SERPINF2: variants seen among roughly 807,000 people sequenced by gnomAD.
SERPINF2 encodes alpha-2-antiplasmin.
A neutral mutation model predicts 45.0 loss-of-function variants in SERPINF2; 15 were observed. The ratio of observed to expected loss-of-function variants is 0.33; its 90% confidence interval spans 0.22 to 0.51. The LOEUF (loss-of-function observed/expected upper bound fraction) is 0.51. SERPINF2 is among the 20% of genes least tolerant of loss of function. SERPINF2 has a pLI of 0.97. For synonymous variants in SERPINF2, 283 were observed against 277.9 expected, an observed-to-expected ratio of 1.02 and a Z score of -0.18; for missense variants, 518 against 637.4, an observed-to-expected ratio of 0.81 and a Z score of 2.02.
At chr17:1,753,221 A>C (rs1363879025) in intron 9 of SERPINF2, among the ~76,000 whole-genome samples, 1 of 152,178 alleles carries the variant, frequency 6.6e-6, no homozygotes, top group African/African-American at 2.4e-5. Flanking sequence ...CCTGTGCAAC[A>C]CATTGAAACT....
At position 1,754,536 on chromosome 17, in the gene SERPINF2, G is replaced by T. The variant is rs756890578; in HGVS notation, c.*2G>T. ...CCCCAGTTTGGCAGCCCCAAGTGAG[G>T]GGCCGTGGCTGTGGCATCCAGAGTC... On this transcript the variant is annotated 3_prime_UTR_variant, in exon 10 of 10. Transcript: ENST00000453066. 6.2e-7 allele frequency: 1 copy of T among 1,606,740 alleles called. No individual in the cohort carries two copies. The highest frequency in any genetic ancestry group is 1.1e-5 in the South Asian group (1 of 90,794).
chr17:1,751,139 G>T (rs1037448444), intron 8 of SERPINF2, among the ~76,000 whole-genome samples: 1 of 152,158 alleles, frequency 6.6e-6, no homozygotes, highest in Admixed American at 6.6e-5. Context: ...TGCTTTTGCT[G>T]CAGAATCCCT....
chr17:1,751,114 C>T (rs960692740), intron 8 of SERPINF2, among the ~76,000 whole-genome samples: 1 of 152,176 alleles, frequency 6.6e-6, no homozygotes, highest in Non-Finnish European at 1.5e-5. Context: ...CCCTCGAGCC[C>T]TGTGGTGTCC....
In SERPINF2 at chr17:1,754,165, C is replaced by G. The variant is rs148395057; in HGVS notation, c.1107C>G (p.Ser369=). The change falls in exon 10 of 10, where the codon TCC becomes TCG. Residue 369 remains serine, a synonymous_variant. Transcript: ENST00000453066. ...AGGCCCCAGACCTGCGTGGGATCTC[C>G]GAGCAGAGCCTGGTGGTGTCCGGCG... ...LFQAPDLRGI[S]EQSLVVSGVQ... 10 of 1,610,534 alleles carry G rather than the reference C, an allele frequency of 6.2e-6. No individual in the cohort carries two copies. In the Admixed American group the frequency reaches 1.5e-4, roughly 24 times the overall value.
In SERPINF2 at chr17:1,747,187, C is replaced by A. The variant is rs527749868; in HGVS notation, c.511+25C>A. ...GGTAGGCGCTGATGGCAGGGAGCTCCCTCAGTCCTGCCCTGGGTGGAGGAG... is the reference window on the plus strand; with the variant it reads ...GGTAGGCGCTGATGGCAGGGAGCTCACTCAGTCCTGCCCTGGGTGGAGGAG... On this transcript the variant is annotated intron_variant, in intron 6 of 9. Coordinates refer to ENST00000453066, the MANE Select transcript of SERPINF2 (RefSeq NM_000934.4). The A allele has an allele frequency of 4.5e-5, 73 of 1,611,786 alleles. No homozygotes were observed. In the East Asian group the frequency reaches 1.5e-3, roughly 34 times the overall value.
chr17:1,750,535 G>A lies in SERPINF2; in HGVS notation c.858+1795G>A, dbSNP rs192586154. Among the ~76,000 whole-genome samples, 804 of 151,966 alleles carry A rather than the reference G, an allele frequency of 5.3e-3. 7 individuals carry two copies. Among genetic ancestry groups the A allele is most frequent in the African/African-American group, 0.018 (764 of 41,424 alleles). The stretch of plus-strand genomic sequence containing the variant: ...ACTCCTGACCTCAAGTGATCCGCCC[G>A]CCTTGGCCTCCCAAAGTGCTGGGAT... On this transcript the variant is annotated intron_variant, in intron 8 of 9. Coordinates refer to ENST00000453066, the MANE Select transcript of SERPINF2 (RefSeq NM_000934.4).
At position 1,745,679 on chromosome 17, in the gene SERPINF2, C is replaced by T; in HGVS notation, c.166-29C>T. On this transcript the variant is annotated intron_variant, in intron 4 of 9. Transcript: ENST00000453066. This position sits in a 1 kb window ranked among gnomAD's most constrained non-coding sequence, Gnocchi z 6.2. ...ACAGAACCTGGAGCTGACCCCTTGA[C>T]CTCCCTGACCCCTGATCTGTCCCTG... 1.2e-6 allele frequency: 2 copies of T among 1,607,378 alleles called. No homozygotes were observed. The highest frequency in any genetic ancestry group is 1.7e-6 in the Non-Finnish European group (2 of 1,176,340).
intron 8 of SERPINF2, among the ~76,000 whole-genome samples, chr17:1,749,729 G>T (rs1008215591): frequency 2.6e-5 from 4 of 152,108 alleles, no homozygotes; most frequent in African/African-American, 9.7e-5. Context: ...TGGTAAGGGA[G>T]AATTCTGTGA....
At position 1,748,566 on chromosome 17, in the gene SERPINF2, C is replaced by T. The variant is rs371561041; in HGVS notation, c.716-32C>T. Reference sequence around the variant, plus strand: ...CCCTCTGCCCCAAGCTGGTCCCCGTCGACGTGACCCCTGCCCTCTGCTGGG... The same window carrying T: ...CCCTCTGCCCCAAGCTGGTCCCCGTTGACGTGACCCCTGCCCTCTGCTGGG... On this transcript the variant is annotated intron_variant, in intron 7 of 9. Transcript: ENST00000453066. The T allele has an allele frequency of 1.2e-5, 19 of 1,609,990 alleles. 1 individual carries two copies. Among genetic ancestry groups the T allele is most frequent in the East Asian group, 6.7e-5 (3 of 44,896 alleles).
Position 1,752,748 on chromosome 17 carries a change from C to T in SERPINF2, c.1021C>T (p.Leu341=). 6.2e-7 allele frequency: 1 copy of T among 1,613,888 alleles called. No homozygotes were observed. Among genetic ancestry groups the T allele is most frequent in the South Asian group, 1.1e-5 (1 of 91,056 alleles). The change falls in exon 9 of 10, where the codon CTG becomes TTG. Residue 341 remains leucine (L), a synonymous_variant. Coordinates refer to ENST00000453066, the MANE Select transcript of SERPINF2 (RefSeq NM_000934.4). ...CAAGGTCCGGCTGCCTAAGCTGTATCTGAAACACCAAATGGACCTGGTGGC... is the reference window on the plus strand; with the variant it reads ...CAAGGTCCGGCTGCCTAAGCTGTATTTGAAACACCAAATGGACCTGGTGGC... ...PTKVRLPKLY[L]KHQMDLVATL...
chr17:1,746,842 G>A (rs1411477859), intron 5 of SERPINF2, among the ~76,000 whole-genome samples, 177 bp from the exon 6 acceptor site: 2 of 152,218 alleles, frequency 1.3e-5, no homozygotes, highest in African/African-American at 4.8e-5. Context: ...GGGGGGTGAG[G>A]TCACCCAGCC....
At chr17:1,743,593 T>C (rs1414857395) in intron 1 of SERPINF2, among the ~76,000 whole-genome samples, 1 of 151,438 alleles carries the variant, frequency 6.6e-6, no homozygotes, top group East Asian at 2.0e-4. Context: ...CACATGCCTG[T>C]AATCCCAGCT....
intron 1 of SERPINF2, 88 bp from the exon 2 acceptor site, chr17:1,744,904 C>G (rs1053243304): frequency 6.2e-7 from 1 of 1,604,964 alleles, no homozygotes; most frequent in African/African-American, 1.3e-5. Context: ...TGACCCAGGA[C>G]TTGGCGTTAT....
At chr17:1,743,790 C>G (rs1190329155) in intron 1 of SERPINF2, among the ~76,000 whole-genome samples, 1 of 151,090 alleles carries the variant, frequency 6.6e-6, no homozygotes, top group African/African-American at 2.4e-5. Context: ...TGTTGGAGCT[C>G]TGCGGTGGAG....
At position 1,745,636 on chromosome 17, in the gene SERPINF2, T is replaced by C. The variant is rs960186296; in HGVS notation, c.166-72T>C. 4.8e-6 allele frequency: 7 copies of C among 1,466,418 alleles called. No homozygotes were observed. Among genetic ancestry groups the C allele is most frequent in the Admixed American group, 1.7e-5 (1 of 58,926 alleles). The allele number at this position is 1,466,418 out of a possible 1,614,324, so 90.8% of individuals were successfully genotyped here. A position where few individuals can be genotyped will look rare whatever the true frequency, so the allele number is the denominator to read the frequency against. On this transcript the variant is annotated intron_variant, in intron 4 of 9. Coordinates refer to ENST00000453066, the MANE Select transcript of SERPINF2 (RefSeq NM_000934.4). The surrounding 1 kb of genome is among the most constrained non-coding windows in gnomAD (Gnocchi z 6.2). ...CCCTGCTGTCCTCAGGCACAGGGGC[T>C]GTGACAAGGCCTTCAACACAGAACC...
chr17:1,747,643 C>T, intron 7 of SERPINF2, 131 bp downstream of exon 7: 1 of 955,872 alleles, frequency 1.0e-6, no homozygotes, highest in Non-Finnish European at 1.6e-6. Context: ...CGGCTCCCTG[C>T]AACCTCCGCC....
At chr17:1,743,401 C>G (rs1905470171) in intron 1 of SERPINF2, among the ~76,000 whole-genome samples, 1 of 152,168 alleles carries the variant, frequency 6.6e-6, no homozygotes, top group African/African-American at 2.4e-5. Context: ...GCCTTGTGGG[C>G]AAGACCTGAC....
intron 8 of SERPINF2, among the ~76,000 whole-genome samples, chr17:1,750,753 C>G (rs1906316894): frequency 6.6e-6 from 1 of 152,166 alleles, no homozygotes; most frequent in Non-Finnish European, 1.5e-5. Flanking sequence ...AGAGCACAGC[C>G]ACTTCTGCAG....
chr17:1,748,192 T>C (rs1349097063), intron 7 of SERPINF2, among the ~76,000 whole-genome samples: 1 of 151,248 alleles, frequency 6.6e-6, no homozygotes, highest in African/African-American at 2.4e-5. Context: ...TCCCAGCTAC[T>C]CGGGAGGCTG....
Sources: gnomAD v4.1 joint callset for allele counts (sites outside exome capture counted in the v4.1 genomes callset) on GRCh38, gnomAD v4.1.1 for gene constraint, Gnocchi (gnomAD v3.1) non-coding constraint, MANE v1.5 for transcripts, NCBI Gene and HGNC (gene_info 2026-07-23, HGNC 2026-07-21) for gene names.